The following AFMID variants were observed in gnomAD, a reference collection of about 807,000 sequenced individuals.
AFMID encodes kynurenine formamidase.
In AFMID, 39 loss-of-function variants were observed where a neutral mutation model predicts 47.5. The ratio of observed to expected loss-of-function variants is 0.82; its 90% CI spans 0.64 to 1.07. The LOEUF (loss-of-function observed/expected upper bound fraction) is 1.07. AFMID is among the 50% of genes least tolerant of loss of function. The pLI is 0.00. For missense variants in AFMID, 375 were observed against 387.5 expected, an observed-to-expected ratio of 0.97 and a Z score of 0.27; for synonymous variants, 130 against 153.2, an observed-to-expected ratio of 0.85 and a Z score of 1.12.
chr17:78,202,922 T>A, intron 4 of AFMID, 171 bp downstream of exon 4: 1 of 808,296 alleles, frequency 1.2e-6, no homozygotes, highest in Non-Finnish European at 2.0e-6. Context: ...GCAGGGTTCC[T>A]AGGGAGGGTC....
intron 7 of AFMID, 105 bp downstream of exon 7, chr17:78,205,295 G>T: frequency 1.1e-5 from 15 of 1,412,870 alleles, no homozygotes; most frequent in Non-Finnish European, 1.5e-5. Context: ...TGGCTTGACC[G>T]CAGGGCTTCG....
intron 1 of AFMID, among the ~76,000 whole-genome samples, chr17:78,190,277 T>C (rs943868957): frequency 6.6e-6 from 1 of 152,108 alleles, no homozygotes; most frequent in Non-Finnish European, 1.5e-5. Flanking sequence ...GTGTCAGCCA[T>C]AGGGCCTGCC....
rs760541616 is a variant in AFMID, at chr17:78,187,387, G to A, written c.17G>A (p.Gly6Asp). ...GTAGACGCCATGATGGATGTGTCTG[G>A]TGTGGGTTTCCCAAGCAAGGTTCCT... MMDVS[G>D]VGFPSKVPWK... is the part of the protein sequence containing the mutation. Residue 6 changes from glycine (G) to aspartate (D), a missense_variant, in exon 1 of 11, where the codon GGT becomes GAT. Coordinates refer to ENST00000409257, the MANE Select transcript of AFMID (RefSeq NM_001010982.5). 7 of 1,613,988 alleles carry A rather than the reference G, an allele frequency of 4.3e-6. No individual in the cohort carries two copies. Among genetic ancestry groups the A allele is most frequent in the East Asian group, 2.2e-5 (1 of 44,768 alleles).
intron 10 of AFMID, 83 bp downstream of exon 10, chr17:78,206,133 C>G: frequency 1.7e-6 from 2 of 1,185,350 alleles, no homozygotes; most frequent in Non-Finnish European, 2.5e-6. Flanking sequence ...ACCAGGAGTT[C>G]AAGACCAGCC....
chr17:78,202,577 T>C lies in AFMID; in HGVS notation c.233T>C (p.Ile78Thr). The C allele has an allele frequency of 6.2e-7, 1 of 1,614,014 alleles. No individual in the cohort carries two copies. Among genetic ancestry groups the C allele is most frequent in the Middle Eastern group, 1.7e-4 (1 of 6,060 alleles). ...YGDGEGEKVD[I>T]YFPDESSEAL... ...GACGGCGAAGGGGAGAAAGTGGACA[T>C]TTACTTCCCCGACGAGTCGTCTGAA... Residue 78 changes from isoleucine to threonine, a missense_variant, in exon 3 of 11, where the codon ATT becomes ACT. Ile to Thr is a moderately conservative substitution (Grantham distance 89, BLOSUM62 -1). Coordinates refer to ENST00000409257, the MANE Select transcript of AFMID (RefSeq NM_001010982.5).
At chr17:78,190,771 C>T in intron 1 of AFMID, 199 bp from the exon 2 acceptor site, 1 of 548,704 alleles carries the variant, frequency 1.8e-6, no homozygotes, top group Non-Finnish European at 3.3e-6. Context: ...CTCATCTCCC[C>T]TTAAGGCTGC....
intron 2 of AFMID, among the ~76,000 whole-genome samples, chr17:78,198,466 T>C (rs748296963): frequency 9.4e-5 from 14 of 149,604 alleles, no homozygotes; most frequent in Admixed American, 6.7e-5. Context: ...AAATTAGCCA[T>C]GCATGGTGGT....
Position 78,193,804 on chromosome 17 carries a change from T to C in AFMID, c.154+2744T>C, listed in dbSNP as rs1598992313. On this transcript the variant is annotated intron_variant, in intron 2 of 10. Coordinates refer to ENST00000409257, the MANE Select transcript of AFMID (RefSeq NM_001010982.5). Reference sequence around the variant, plus strand: ...CATCCTGGCTAACACGGTGAAACCCTGTCTCTACTAAAAATACAAAAAATT... The same window carrying C: ...CATCCTGGCTAACACGGTGAAACCCCGTCTCTACTAAAAATACAAAAAATT... 1.3e-5 allele frequency among the ~76,000 whole-genome samples: 2 copies of C among 152,026 alleles called. 1 individual carries two copies.
Position 78,206,428 on chromosome 17 carries a change from T to TA in AFMID, c.885+379dup, listed in dbSNP as rs1374576578. Among the ~76,000 whole-genome samples the TA allele has an allele frequency of 2.6e-5, 4 of 151,626 alleles. No individual in the cohort carries two copies. In the East Asian group the frequency reaches 7.7e-4, roughly 29 times the overall value. On this transcript the variant is annotated intron_variant, in intron 10 of 10. Transcript: ENST00000409257. The stretch of plus-strand genomic sequence containing the variant: ...TTGTTTCTTTCTTTTTTTTTTTCTT[T>TA]AGAGACAGGGTCTCCTCTCTTGCAC...
chr17:78,192,247 G>A (rs2075990105), intron 2 of AFMID, among the ~76,000 whole-genome samples: 1 of 149,706 alleles, frequency 6.7e-6, no homozygotes, highest in Non-Finnish European at 1.5e-5. Flanking sequence ...CTGACCTCAG[G>A]TGATTCGCCC....
chr17:78,203,362 CTT>C (rs61422242), intron 4 of AFMID: 25,002 of 134,956 alleles, frequency 0.19, 2,259 homozygotes, highest in South Asian at 0.3. Context: ...CACCAGCCTC[CTT>C]TTTTTTTTTT....
At chr17:78,202,401 C>T (rs970905578) in intron 2 of AFMID, 98 bp from the exon 3 acceptor site, 40 of 1,233,062 alleles carry the variant, frequency 3.2e-5, no homozygotes, top group East Asian at 2.3e-5. Context: ...TGCACTCCAG[C>T]TTGGGCAACA....
At position 78,205,176 on chromosome 17, in the gene AFMID, C is replaced by G. The variant is rs1440049534; in HGVS notation, c.551C>G (p.Thr184Arg). The G allele has an allele frequency of 2.5e-6, 4 of 1,611,686 alleles. No homozygotes were observed. Among genetic ancestry groups the G allele is most frequent in the Middle Eastern group, 1.6e-4 (1 of 6,078 alleles). ...LLADWTKHGV[T>R]PNLRGFFLVS... ...GCCGACTGGACCAAGCATGGGGTCACGCCCAACCTCAGAGGTTTCCATGGG... is the reference window on the plus strand; with the variant it reads ...GCCGACTGGACCAAGCATGGGGTCAGGCCCAACCTCAGAGGTTTCCATGGG... Residue 184 changes from threonine (T) to arginine (R), a missense_variant, in exon 7 of 11, where the codon ACG becomes AGG. By Grantham distance (71) the Thr-to-Arg change is moderately conservative. Coordinates refer to ENST00000409257, the MANE Select transcript of AFMID (RefSeq NM_001010982.5).
intron 2 of AFMID, chr17:78,197,248 T>G (rs1332058760): frequency 1.3e-6 from 2 of 1,538,716 alleles, no homozygotes. Context: ...GCAGGGTTGT[T>G]GGCAAACCCC....
intron 1 of AFMID, 178 bp from the exon 2 acceptor site, chr17:78,190,792 A>G: frequency 1.8e-6 from 1 of 568,462 alleles, no homozygotes; most frequent in East Asian, 3.0e-5. Context: ...CAGCTGGCTA[A>G]AGGCACAGCG....
At chr17:78,204,614 G>T in intron 4 of AFMID, 42 bp from the exon 5 acceptor site, 1 of 1,601,060 alleles carries the variant, frequency 6.2e-7, no homozygotes, top group South Asian at 1.1e-5. Flanking sequence ...GCAGCGTAGT[G>T]GCCAAGCTGC....
At chr17:78,196,540 A>G (rs1025174511) in intron 2 of AFMID, among the ~76,000 whole-genome samples, 1 of 152,114 alleles carries the variant, frequency 6.6e-6, no homozygotes, top group Non-Finnish European at 1.5e-5. Context: ...TGAGCCAGGC[A>G]TAGTGGCACA....
chr17:78,205,813 A>G (rs1049512884), intron 9 of AFMID, 75 bp downstream of exon 9: 10 of 1,599,146 alleles, frequency 6.3e-6, no homozygotes, highest in Non-Finnish European at 8.5e-6. Context: ...CTTTTACCCA[A>G]GTGGACAAGA....
chr17:78,201,075 C>T (rs1482864627), intron 2 of AFMID, among the ~76,000 whole-genome samples: 1 of 151,828 alleles, frequency 6.6e-6, no homozygotes, highest in Non-Finnish European at 1.5e-5. Context: ...CAGCTCACTG[C>T]AGCTTCTGCC....
Sources: gnomAD v4.1 joint callset for allele counts (sites outside exome capture counted in the v4.1 genomes callset) on GRCh38, gnomAD v4.1.1 for gene constraint, MANE v1.5 for transcripts, NCBI Gene and HGNC (gene_info 2026-07-23, HGNC 2026-07-21) for gene names.